Variants in CD38 observed in about 807,000 individuals in gnomAD.
CD38 encodes ADP-ribosyl cyclase/cyclic ADP-ribose hydrolase 1.
Under a neutral mutation model 36.3 loss-of-function variants are expected in CD38, and 31 were observed. The ratio of observed to expected loss-of-function variants is 0.85; its 90% confidence interval spans 0.64 to 1.15. CD38 has a LOEUF of 1.15. Ranked by LOEUF, CD38 falls within the 50% of genes most tolerant of loss-of-function variation. CD38 has a pLI of 0.00. For missense variants in CD38, 380 were observed against 371.9 expected (o/e 1.02, Z -0.18); for synonymous variants, 131 against 135.2 (o/e 0.97, Z 0.22).
chr4:15,841,239 C>T (rs1724198448), intron 7 of CD38, among the ~76,000 whole-genome samples: 1 of 151,946 alleles, frequency 6.6e-6, no homozygotes, highest in Admixed American at 6.6e-5. Flanking sequence ...GAGATTTTTC[C>T]ACGTATAATA....
intron 3 of CD38, 115 bp downstream of exon 3, chr4:15,825,131 A>T: frequency 1.1e-6 from 1 of 942,762 alleles, no homozygotes; most frequent in Non-Finnish European, 1.6e-6. Context: ...ACCCATCCTG[A>T]TGCCATCTAT....
At position 15,824,972 on chromosome 4, in the gene CD38, A is replaced by G. The variant is rs751457570; in HGVS notation, c.455A>G (p.Tyr152Cys). 3.2e-5 allele frequency: 52 copies of G among 1,613,698 alleles called. No homozygotes were observed. The highest frequency in any genetic ancestry group is 2.0e-4 in the East Asian group (9 of 44,870). ...ACCCTGGAGGACACGCTGCTAGGCT[A>G]CCTTGCTGATGACCTCACATGGTGT... Reference protein sequence around the residue: ...MFTLEDTLLGYLADDLTWCGE... With the variant: ...MFTLEDTLLGCLADDLTWCGE... The change falls in exon 3 of 8, where the codon TAC becomes TGC. Residue 152 changes from tyrosine (Y) to cysteine (C), a missense_variant. Transcript: ENST00000226279.
intron 1 of CD38, among the ~76,000 whole-genome samples, chr4:15,789,638 G>A (rs1202816252): frequency 1.3e-5 from 2 of 152,154 alleles, no homozygotes; most frequent in Admixed American, 6.5e-5. Context: ...GGTCATGAGA[G>A]ATCTGCCCTC....
At chr4:15,822,151 G>A (rs185681074) in intron 2 of CD38, among the ~76,000 whole-genome samples, 49 of 152,140 alleles carry the variant, frequency 3.2e-4, no homozygotes, top group African/African-American at 1.1e-3. Flanking sequence ...ATCCCTTCAC[G>A]TTAAAAACTC....
At chr4:15,792,437 T>A (rs7669673) in intron 1 of CD38, among the ~76,000 whole-genome samples, 94,611 of 133,056 alleles carry the variant, frequency 0.71, 34,584 homozygotes, top group African/African-American at 0.9. Flanking sequence ...TAAAATAAAA[T>A]AAAAAAAAGG....
chr4:15,827,651 A>G (rs1028576669), intron 3 of CD38, among the ~76,000 whole-genome samples: 2 of 152,004 alleles, frequency 1.3e-5, no homozygotes, highest in African/African-American at 4.8e-5. Flanking sequence ...TTTACAGTAG[A>G]CTTCTCTCCT....
chr4:15,785,217 T>TA (rs1044835861), intron 1 of CD38, among the ~76,000 whole-genome samples: 4 of 152,056 alleles, frequency 2.6e-5, no homozygotes, highest in African/African-American at 7.2e-5. Context: ...GTGGAGTACT[T>TA]ACGCAAATTA....
intron 1 of CD38, among the ~76,000 whole-genome samples, chr4:15,782,214 C>T (rs956190219): frequency 6.6e-6 from 1 of 152,236 alleles, no homozygotes; most frequent in Non-Finnish European, 1.5e-5. Context: ...AGATCCACAA[C>T]TGGCACAGCT....
chr4:15,786,387 G>A (rs1722830599), intron 1 of CD38, among the ~76,000 whole-genome samples: 1 of 152,220 alleles, frequency 6.6e-6, no homozygotes, highest in Admixed American at 6.5e-5. Flanking sequence ...GACACAAAGT[G>A]CTGATTGGTG....
intron 1 of CD38, among the ~76,000 whole-genome samples, chr4:15,795,985 T>C (rs1190990454): frequency 6.6e-6 from 1 of 152,160 alleles, no homozygotes; most frequent in African/African-American, 2.4e-5. Context: ...ATTTGGCACT[T>C]CATAGATGAA....
chr4:15,835,294 G>GTTTCTGGC (rs1724042117), intron 4 of CD38, among the ~76,000 whole-genome samples: 1 of 141,544 alleles, frequency 7.1e-6, no homozygotes. Flanking sequence ...TTAACCATCT[G>GTTTCTGGC]TTTCTGGCTT....
chr4:15,816,455 C>CA, intron 1 of CD38, 56 bp from the exon 2 acceptor site: 3 of 1,434,972 alleles, frequency 2.1e-6, no homozygotes, highest in Non-Finnish European at 2.8e-6. Context: ...AATTATGCTC[C>CA]AAAAATATTT....
chr4:15,809,658 C>T (rs186259539), intron 1 of CD38, among the ~76,000 whole-genome samples: 3 of 152,154 alleles, frequency 2.0e-5, no homozygotes, highest in Non-Finnish European at 4.4e-5. Context: ...ATCACCGGCA[C>T]AGAATGAGCT....
At chr4:15,803,921 C>T (rs1462893240) in intron 1 of CD38, among the ~76,000 whole-genome samples, 1 of 152,090 alleles carries the variant, frequency 6.6e-6, no homozygotes, top group East Asian at 1.9e-4. Flanking sequence ...TCTGTTTCTG[C>T]GTTAACTTGT....
At chr4:15,836,936 A>G (rs750337734) in intron 4 of CD38, among the ~76,000 whole-genome samples, 17 of 152,230 alleles carry the variant, frequency 1.1e-4, no homozygotes, top group Non-Finnish European at 2.1e-4. Context: ...GGTTACTGCA[A>G]TGTTTAAATG....
At chr4:15,802,396 C>T (rs546171255) in intron 1 of CD38, among the ~76,000 whole-genome samples, 9 of 151,986 alleles carry the variant, frequency 5.9e-5, no homozygotes, top group Admixed American at 1.3e-4. Flanking sequence ...CAATCTCTAT[C>T]GAATTTTCAA....
At chr4:15,782,911 A>AT (rs1273569545) in intron 1 of CD38, among the ~76,000 whole-genome samples, 2 of 152,156 alleles carry the variant, frequency 1.3e-5, no homozygotes, top group Non-Finnish European at 2.9e-5. Context: ...GTGCCACAGT[A>AT]TAGTAGTAAG....
chr4:15,828,651 A>T (rs2148925584), intron 3 of CD38, among the ~76,000 whole-genome samples: 1 of 152,246 alleles, frequency 6.6e-6, no homozygotes, highest in South Asian at 2.1e-4. Flanking sequence ...AAATGACAGA[A>T]TTTCTTTCTT....
At chr4:15,841,510 A>G (rs192124492) in intron 7 of CD38, among the ~76,000 whole-genome samples, 211 of 152,374 alleles carry the variant, frequency 1.4e-3, no homozygotes, top group African/African-American at 4.8e-3. Flanking sequence ...GAAAACAGAA[A>G]GAATGAATGA....
Sources: gnomAD v4.1 joint callset for allele counts (sites outside exome capture counted in the v4.1 genomes callset) on GRCh38, gnomAD v4.1.1 for gene constraint, MANE v1.5 for transcripts, NCBI Gene and HGNC (gene_info 2026-07-23, HGNC 2026-07-21) for gene names.